Variants in PLCE1 observed in about 807,000 individuals in gnomAD.
PLCE1 encodes 1-phosphatidylinositol 4,5-bisphosphate phosphodiesterase epsilon-1.
Under a neutral mutation model 242.8 loss-of-function variants are expected in PLCE1, and 119 were observed. The ratio of observed to expected loss-of-function variants is 0.49; its 90% CI spans 0.42 to 0.57. PLCE1 has a LOEUF of 0.57. PLCE1 is among the 20% of genes least tolerant of loss of function. The pLI, the probability that PLCE1 is intolerant of heterozygous loss-of-function variation, is 0.00. For missense variants in PLCE1, 2,441 were observed against 2,788.8 expected (o/e 0.88, Z 2.81); for synonymous variants, 945 against 1,017.4 (o/e 0.93, Z 1.35).
At chr10:94,156,311 C>A (rs1355483962) in intron 3 of PLCE1, among the ~76,000 whole-genome samples, 1 of 152,172 alleles carries the variant, frequency 6.6e-6, no homozygotes, top group Non-Finnish European at 1.5e-5. Flanking sequence ...CAGGATTGCT[C>A]CCACTTCAGA....
At chr10:94,016,562 G>A (rs928481434) in intron 1 of PLCE1, among the ~76,000 whole-genome samples, 1 of 152,106 alleles carries the variant, frequency 6.6e-6, no homozygotes, top group African/African-American at 2.4e-5. Context: ...AACATTTTTG[G>A]ATTTCAGATT....
intron 2 of PLCE1, among the ~76,000 whole-genome samples, chr10:94,111,879 A>T (rs144112633): frequency 0.01 from 1,559 of 152,338 alleles, 12 homozygotes; most frequent in Middle Eastern, 0.027. Flanking sequence ...CCGAAGGTTT[A>T]TAAAGGTTTA....
At chr10:94,109,438 T>C (rs2045873932) in intron 2 of PLCE1, among the ~76,000 whole-genome samples, 1 of 152,116 alleles carries the variant, frequency 6.6e-6, no homozygotes, top group Admixed American at 6.5e-5. Context: ...TGAAACTTCA[T>C]CTTTACTAAA....
chr10:94,092,626 T>A (rs1309093573), intron 2 of PLCE1, among the ~76,000 whole-genome samples: 1 of 150,328 alleles, frequency 6.7e-6, no homozygotes, highest in Non-Finnish European at 1.5e-5. Flanking sequence ...AGAGAGACTT[T>A]TATAGGAATC....
intron 1 of PLCE1, among the ~76,000 whole-genome samples, chr10:94,004,222 A>G (rs974880285): frequency 6.6e-6 from 1 of 152,130 alleles, no homozygotes; most frequent in African/African-American, 2.4e-5. Flanking sequence ...TTGGAACTCT[A>G]TTATCAGATG....
At chr10:94,189,069 C>T (rs973761683) in intron 4 of PLCE1, among the ~76,000 whole-genome samples, 5 of 149,866 alleles carry the variant, frequency 3.3e-5, no homozygotes, top group Non-Finnish European at 7.4e-5. Context: ...GCTCTTTCCA[C>T]TTGTGTATTG....
chr10:94,184,686 C>T (rs2048415188), intron 4 of PLCE1, among the ~76,000 whole-genome samples: 1 of 152,208 alleles, frequency 6.6e-6, no homozygotes, highest in East Asian at 1.9e-4. Context: ...AGCCACACAA[C>T]CTTTCATTCT....
intron 3 of PLCE1, among the ~76,000 whole-genome samples, chr10:94,141,622 GGCAGAA>G (rs1185291460): frequency 0.22 from 799 of 3,608 alleles, 143 homozygotes; most frequent in African/African-American, 0.47. Context: ...GAGAAAGGAA[GGCAGAA>G]GGAGGAAAGA....
At chr10:94,235,875 T>C in intron 6 of PLCE1, 40 bp from the exon 7 acceptor site, 1 of 1,556,658 alleles carries the variant, frequency 6.4e-7, no homozygotes, top group Admixed American at 1.7e-5. Flanking sequence ...TATCCAGGCA[T>C]ATTAAGTTGC....
chr10:94,304,457 GCTTT>G (rs1564879584), intron 24 of PLCE1, 21 bp from the exon 25 acceptor site: 1 of 1,607,704 alleles, frequency 6.2e-7, no homozygotes, highest in Non-Finnish European at 8.5e-7. Flanking sequence ...AGCTATATTG[GCTTT>G]CTTTGTTGTT....
chr10:94,243,256 G>A (rs1328467844), intron 7 of PLCE1, among the ~76,000 whole-genome samples: 2 of 151,974 alleles, frequency 1.3e-5, no homozygotes, highest in Non-Finnish European at 2.9e-5. Flanking sequence ...ATCTAGTTAT[G>A]GAAAAAATAT....
intron 2 of PLCE1, among the ~76,000 whole-genome samples, chr10:94,126,576 C>T (rs2135840257): frequency 6.6e-6 from 1 of 152,292 alleles, no homozygotes; most frequent in East Asian, 1.9e-4. Flanking sequence ...TGAATGCTCA[C>T]ATAGCTGTCT....
At chr10:94,094,741 C>G (rs372356548) in intron 2 of PLCE1, 3 of 152,212 alleles carry the variant, frequency 2.0e-5, no homozygotes, top group African/African-American at 7.2e-5. Context: ...CACCCGGCAT[C>G]TGACAGCATG....
At chr10:94,088,408 G>A (rs1284301124) in intron 2 of PLCE1, among the ~76,000 whole-genome samples, 1 of 152,208 alleles carries the variant, frequency 6.6e-6, no homozygotes, top group South Asian at 2.1e-4. Context: ...AGCAGGTGCT[G>A]TTGACAGACT....
At chr10:94,152,763 T>C (rs2047314000) in intron 3 of PLCE1, among the ~76,000 whole-genome samples, 1 of 152,196 alleles carries the variant, frequency 6.6e-6, no homozygotes, top group African/African-American at 2.4e-5. Flanking sequence ...AGTGATTTTA[T>C]CAGTATCATT....
intron 4 of PLCE1, among the ~76,000 whole-genome samples, chr10:94,178,734 T>G (rs2048200979): frequency 6.6e-6 from 1 of 152,242 alleles, no homozygotes; most frequent in Admixed American, 6.5e-5. Context: ...TAAAAGCCTG[T>G]CTGGTCATAG....
At chr10:94,149,841 AG>A (rs1365860980) in intron 3 of PLCE1, among the ~76,000 whole-genome samples, 2 of 152,208 alleles carry the variant, frequency 1.3e-5, no homozygotes, top group African/African-American at 4.8e-5. Flanking sequence ...CAGAGACAGC[AG>A]GGGCTGGGCA....
chr10:94,165,433 C>A (rs1216750299), intron 3 of PLCE1, among the ~76,000 whole-genome samples: 1 of 152,160 alleles, frequency 6.6e-6, no homozygotes, highest in Non-Finnish European at 1.5e-5. Flanking sequence ...CCGAGCCAGG[C>A]GTGGGATACA....
At chr10:94,238,779 C>T (rs1338894869) in intron 7 of PLCE1, among the ~76,000 whole-genome samples, 3 of 151,974 alleles carry the variant, frequency 2.0e-5, no homozygotes, top group Non-Finnish European at 2.9e-5. Flanking sequence ...CATATAGGAG[C>T]TGCAAGTTCT....
Sources: allele counts gnomAD v4.1 joint callset (sites outside exome capture counted in the v4.1 genomes callset), GRCh38; gene constraint gnomAD v4.1.1; transcripts MANE v1.5; gene names NCBI Gene and HGNC (gene_info 2026-07-23, HGNC 2026-07-21).